Variants in ABCC2 observed in about 807,000 individuals in gnomAD.
ABCC2 encodes the protein ATP-binding cassette sub-family C member 2.
Under a neutral mutation model 173.4 loss-of-function variants are expected in ABCC2, and 157 were observed. That is an observed-to-expected ratio of 0.91 (90% CI 0.80 to 1.03). ABCC2 has a LOEUF of 1.03. ABCC2 is among the 50% of genes least tolerant of loss of function. The pLI is 0.00. For synonymous variants in ABCC2, 657 were observed against 693.5 expected, an observed-to-expected ratio of 0.95 and a Z score of 0.83; for missense variants, 1,822 against 1,852.3, an observed-to-expected ratio of 0.98 and a Z score of 0.30.
intron 24 of ABCC2, among the ~76,000 whole-genome samples, chr10:99,835,868 G>A (rs952318626): frequency 3.9e-5 from 6 of 152,112 alleles, no homozygotes; most frequent in Admixed American, 2.0e-4. Flanking sequence ...CTCTCCTCAC[G>A]TTCACCCCAC....
intron 2 of ABCC2, chr10:99,789,344 A>G (rs1287329685): frequency 1.3e-5 from 2 of 152,226 alleles, no homozygotes; most frequent in African/African-American, 4.8e-5. Context: ...GCATTGGTGA[A>G]AGAGTCCCTA....
Position 99,845,756 on chromosome 10 carries a change from C to G in ABCC2, c.4120C>G (p.Arg1374Gly). Reference sequence around the variant, plus strand: ...TGCTTCCATTGGGCTCCACGACCTCCGAGAGAAGCTGACCATCATCCCCCA... The same window carrying G: ...TGCTTCCATTGGGCTCCACGACCTCGGAGAGAAGCTGACCATCATCCCCCA... ...DIASIGLHDLREKLTIIPQDP... is the reference protein window; with the variant it reads ...DIASIGLHDLGEKLTIIPQDP... Residue 1374 changes from arginine (R) to glycine (G), a missense_variant, in exon 29 of 32, where the codon CGA becomes GGA. Transcript: ENST00000647814. 2 of 1,613,134 alleles carry G rather than the reference C, an allele frequency of 1.2e-6. No homozygotes were observed. The highest frequency in any genetic ancestry group is 1.7e-6 in the Non-Finnish European group (2 of 1,179,750).
At chr10:99,811,710 G>A in intron 15 of ABCC2, 108 bp downstream of exon 15, 1 of 1,288,064 alleles carries the variant, frequency 7.8e-7, no homozygotes, top group Non-Finnish European at 1.1e-6. Flanking sequence ...CTATGTGCAT[G>A]TCTTCGGTTA....
chr10:99,830,754 A>T lies in ABCC2; in HGVS notation c.2786A>T (p.Asn929Ile). 1.2e-6 allele frequency: 2 copies of T among 1,614,026 alleles called. No individual in the cohort carries two copies. The highest frequency in any genetic ancestry group is 2.2e-5 in the East Asian group (1 of 44,878). ...SNGRHLKSLR[N>I]SLKTRNVNSL... ...GGCAGGCATCTGAAGTCCCTGAGAA[A>T]CTCCTTGAAAACTCGGAATGTGAAT... Residue 929 changes from asparagine to isoleucine, a missense_variant, in exon 21 of 32, where the codon AAC becomes ATC. Transcript: ENST00000647814.
At chr10:99,819,023 T>C (rs2038477033) in intron 18 of ABCC2, 66 bp downstream of exon 18, 2 of 1,611,322 alleles carry the variant, frequency 1.2e-6, no homozygotes, top group Admixed American at 3.3e-5. Flanking sequence ...AGGACATGTC[T>C]GGCAAGTAAG....
chr10:99,813,922 G>T (rs1023984452), intron 16 of ABCC2, among the ~76,000 whole-genome samples: 1 of 151,982 alleles, frequency 6.6e-6, no homozygotes, highest in East Asian at 1.9e-4. Context: ...ACAGTAGATT[G>T]TACAATCATC....
At chr10:99,787,645 TTTG>T (rs1231288015) in intron 2 of ABCC2, among the ~76,000 whole-genome samples, 3 of 152,236 alleles carry the variant, frequency 2.0e-5, no homozygotes, top group African/African-American at 7.2e-5. Context: ...GTTTTTTTAA[TTTG>T]TTAAGTGTAT....
intron 6 of ABCC2, 108 bp from the exon 7 acceptor site, chr10:99,796,989 T>A (rs994659274): frequency 1.3e-5 from 12 of 956,954 alleles, no homozygotes; most frequent in Non-Finnish European, 1.6e-5. Flanking sequence ...ATAGTCCCAT[T>A]CTTCTGTCCC....
At chr10:99,827,429 A>G (rs1379564493) in intron 19 of ABCC2, among the ~76,000 whole-genome samples, 2 of 152,182 alleles carry the variant, frequency 1.3e-5, no homozygotes, top group Non-Finnish European at 2.9e-5. Context: ...CGCAATGTAA[A>G]CTTTCCATTT....
Position 99,799,206 on chromosome 10 carries a change from G to A in ABCC2, c.868-1G>A, listed in dbSNP as rs2037970499. 6.2e-7 allele frequency: 1 copy of A among 1,613,906 alleles called. No individual in the cohort carries two copies. Among genetic ancestry groups the A allele is most frequent in the Non-Finnish European group, 8.5e-7 (1 of 1,179,966 alleles). On this transcript the variant is annotated splice_acceptor_variant, in intron 7 of 31. Coordinates refer to ENST00000647814, the MANE Select transcript of ABCC2 (RefSeq NM_000392.5). LOFTEE classifies it high-confidence loss of function. ...ACACTGTTGTTTGGTTTTGTACCTA[G>A]GAAGATGTTGAAAAGAAAAAAAAGA...
chr10:99,818,772 A>T lies in ABCC2; in HGVS notation c.2272-18A>T, dbSNP rs755718028. 1.1e-5 allele frequency: 17 copies of T among 1,613,818 alleles called. No individual in the cohort carries two copies. Among genetic ancestry groups the T allele is most frequent in the South Asian group, 3.3e-5 (3 of 91,072 alleles). ...GATCTAGGGAGTAGTGCTTAATATG[A>T]ATTATTTTCTTCTTCAGGGTATAAA... On this transcript the variant is annotated intron_variant, in intron 17 of 31. Transcript: ENST00000647814.
At chr10:99,838,406 G>A (rs1590187604) in intron 25 of ABCC2, among the ~76,000 whole-genome samples, 5 of 110,058 alleles carry the variant, frequency 4.5e-5, no homozygotes, top group African/African-American at 6.8e-5. Context: ...CCTCCCGGAC[G>A]GGGCGGCTGG....
At chr10:99,829,791 T>C (rs368409499) in intron 19 of ABCC2, among the ~76,000 whole-genome samples, 157 of 152,308 alleles carry the variant, frequency 1.0e-3, no homozygotes, top group African/African-American at 3.2e-3. Context: ...CACACCCTGC[T>C]AATTTTTAAA....
intron 19 of ABCC2, 29 bp downstream of exon 19, chr10:99,819,298 A>G: frequency 6.2e-7 from 1 of 1,602,306 alleles, no homozygotes; most frequent in Middle Eastern, 1.7e-4. Context: ...GACAAGATAG[A>G]ACTTGGGCCA....
intron 19 of ABCC2, among the ~76,000 whole-genome samples, chr10:99,828,189 A>C (rs552640724): frequency 1.6e-4 from 24 of 151,818 alleles, no homozygotes; most frequent in African/African-American, 5.6e-4. Flanking sequence ...CCTTTGAAGA[A>C]TCCTGTCTTT....
Position 99,819,078 on chromosome 10 carries a change from T to C in ABCC2, c.2440-11T>C, listed in dbSNP as rs1346845268. 6.2e-7 allele frequency: 1 copy of C among 1,614,088 alleles called. No homozygotes were observed. Among genetic ancestry groups the C allele is most frequent in the Non-Finnish European group, 8.5e-7 (1 of 1,179,936 alleles). On this transcript the variant is annotated splice_polypyrimidine_tract_variant and intron_variant, in intron 18 of 31. Coordinates refer to ENST00000647814, the MANE Select transcript of ABCC2 (RefSeq NM_000392.5). ...TATGGTAATCAACACAACTTCATAT[T>C]ATTTTTATAGACTCGACTCTTGGTT...
chr10:99,783,447 GT>G (rs1182487995), intron 1 of ABCC2, among the ~76,000 whole-genome samples: 1 of 152,132 alleles, frequency 6.6e-6, no homozygotes, highest in Non-Finnish European at 1.5e-5. Flanking sequence ...ACATTACGGA[GT>G]CATAGATAGC....
chr10:99,818,038 C>A (rs557944089), intron 17 of ABCC2, among the ~76,000 whole-genome samples: 278 of 152,238 alleles, frequency 1.8e-3, no homozygotes, highest in African/African-American at 6.3e-3. Context: ...AGCTGACCAA[C>A]AAGGTGAAAC....
In ABCC2 at chr10:99,846,994, A is replaced by T; in HGVS notation, c.4180A>T (p.Asn1394Tyr). 6.2e-7 allele frequency: 1 copy of T among 1,614,198 alleles called. No individual in the cohort carries two copies. The highest frequency in any genetic ancestry group is 1.1e-5 in the South Asian group (1 of 91,084). The change falls in exon 30 of 32, where the codon AAT becomes TAT. Residue 1394 changes from asparagine to tyrosine, a missense_variant. Coordinates refer to ENST00000647814, the MANE Select transcript of ABCC2 (RefSeq NM_000392.5). ...CCTGTTCTCTGGAAGCCTGAGGATG[A>T]ATCTCGACCCTTTCAACAACTACTC... ...PILFSGSLRM[N>Y]LDPFNNYSDE... is the part of the protein sequence containing the mutation.
Sources: gnomAD v4.1 joint callset for allele counts (sites outside exome capture counted in the v4.1 genomes callset) on GRCh38, gnomAD v4.1.1 for gene constraint, MANE v1.5 for transcripts, NCBI Gene and HGNC (gene_info 2026-07-23, HGNC 2026-07-21) for gene names.